The following OPCML variants were observed in gnomAD, a reference collection of about 807,000 sequenced individuals.
OPCML encodes opioid binding protein/cell adhesion molecule like.
In OPCML, 13 loss-of-function variants were observed where a neutral mutation model predicts 37.8. The observed-to-expected ratio is 0.34, with a 90% CI of 0.22 to 0.55. The LOEUF (loss-of-function observed/expected upper bound fraction) is 0.55. Ranked by LOEUF, OPCML falls within the 20% of genes least tolerant of loss-of-function variation. OPCML has a pLI of 0.91. For missense variants in OPCML, 341 were observed against 435.6 expected (o/e 0.78, Z 1.93); for synonymous variants, 176 against 168.8 (o/e 1.04, Z -0.33).
chr11:132,612,589 G>A (rs367917383), intron 3 of OPCML, among the ~76,000 whole-genome samples: 161 of 152,256 alleles, frequency 1.1e-3, no homozygotes, highest in African/African-American at 3.8e-3. Flanking sequence ...AGCAGGGCAA[G>A]GACATAAGAC....
chr11:132,607,616 T>C (rs1565706350), intron 3 of OPCML, among the ~76,000 whole-genome samples: 1 of 152,180 alleles, frequency 6.6e-6, no homozygotes, highest in Admixed American at 6.5e-5. Context: ...TGAGGACATA[T>C]CACACAGTGG....
At chr11:133,248,209 G>T (rs1421858019) in intron 1 of OPCML, among the ~76,000 whole-genome samples, 3 of 152,176 alleles carry the variant, frequency 2.0e-5, no homozygotes, top group Non-Finnish European at 4.4e-5. Flanking sequence ...AAGATGTAAA[G>T]ATTTGAGCAT....
chr11:132,751,384 G>A (rs548554503), intron 2 of OPCML, among the ~76,000 whole-genome samples: 23 of 152,280 alleles, frequency 1.5e-4, no homozygotes, highest in Admixed American at 2.6e-4. Context: ...TGCAGTGTGG[G>A]TGAGAGTCAG....
At chr11:132,651,960 A>G (rs1461299625) in intron 3 of OPCML, among the ~76,000 whole-genome samples, 1 of 152,196 alleles carries the variant, frequency 6.6e-6, no homozygotes, top group African/African-American at 2.4e-5. Flanking sequence ...GAGAATACCT[A>G]CATCCAAAAA....
intron 2 of OPCML, among the ~76,000 whole-genome samples, chr11:132,867,299 G>T (rs867979797): frequency 1.4e-4 from 22 of 152,272 alleles, no homozygotes; most frequent in Middle Eastern, 6.8e-3. Context: ...ATGACAAGAT[G>T]TTTCCTCTGT....
intron 2 of OPCML, among the ~76,000 whole-genome samples, chr11:132,908,781 A>G (rs139121156): frequency 6.6e-6 from 1 of 152,378 alleles, no homozygotes; most frequent in East Asian, 1.9e-4. Flanking sequence ...TTTCACGTTA[A>G]TAAGTGATGA....
chr11:133,520,368 T>C (rs534114788), intron 1 of OPCML, among the ~76,000 whole-genome samples: 4 of 152,030 alleles, frequency 2.6e-5, no homozygotes, highest in Non-Finnish European at 4.4e-5. Flanking sequence ...GAGTACAAGA[T>C]GGGTATATGA....
intron 2 of OPCML, among the ~76,000 whole-genome samples, chr11:132,823,318 C>T (rs1357577633): frequency 6.6e-6 from 1 of 152,140 alleles, no homozygotes; most frequent in Non-Finnish European, 1.5e-5. Flanking sequence ...TGGGGGACAA[C>T]CTCTTCTTCC....
chr11:133,361,585 C>T, intron 1 of OPCML: 1 of 162,080 alleles, frequency 6.2e-6, no homozygotes, highest in Non-Finnish European at 1.3e-5. Flanking sequence ...GCACCTGCAG[C>T]TATTCCGGGG....
At chr11:132,524,615 T>C (rs1351084730) in intron 4 of OPCML, among the ~76,000 whole-genome samples, 1 of 152,214 alleles carries the variant, frequency 6.6e-6, no homozygotes, top group East Asian at 1.9e-4. Flanking sequence ...CTTTTCGTTA[T>C]GTTCACAACA....
At chr11:132,921,890 T>C (rs1022972220) in intron 2 of OPCML, among the ~76,000 whole-genome samples, 1 of 152,084 alleles carries the variant, frequency 6.6e-6, no homozygotes, top group Admixed American at 6.5e-5. Context: ...ATTTTACCTT[T>C]TTTTTTTGAG....
intron 1 of OPCML, among the ~76,000 whole-genome samples, chr11:133,444,801 T>TG (rs1946438266): frequency 1.3e-5 from 2 of 151,978 alleles, no homozygotes; most frequent in East Asian, 3.9e-4. Flanking sequence ...GTTTTTTGGT[T>TG]TTTTTTGCAT....
At chr11:132,509,829 A>G (rs1025132660) in intron 4 of OPCML, among the ~76,000 whole-genome samples, 3 of 152,048 alleles carry the variant, frequency 2.0e-5, no homozygotes, top group Admixed American at 6.6e-5. Flanking sequence ...TGCAGAAGGG[A>G]TATGTGGGGT....
chr11:132,882,463 C>A (rs185876198), intron 2 of OPCML, among the ~76,000 whole-genome samples: 2 of 152,272 alleles, frequency 1.3e-5, no homozygotes, highest in Non-Finnish European at 1.5e-5. Flanking sequence ...TCATTTGTGT[C>A]CCATCCTCTC....
intron 1 of OPCML, among the ~76,000 whole-genome samples, chr11:133,406,059 C>G (rs1945518964): frequency 6.6e-6 from 1 of 152,286 alleles, no homozygotes; most frequent in African/African-American, 2.4e-5. Flanking sequence ...TGGGTACGGA[C>G]TGTGTCTAAT....
At chr11:133,093,068 T>A (rs1167229502) in intron 1 of OPCML, among the ~76,000 whole-genome samples, 2 of 152,090 alleles carry the variant, frequency 1.3e-5, no homozygotes, top group Non-Finnish European at 2.9e-5. Context: ...TAATAATTAT[T>A]ATTATTAATT....
At chr11:132,541,164 T>A (rs1591526622) in intron 3 of OPCML, among the ~76,000 whole-genome samples, 1 of 152,240 alleles carries the variant, frequency 6.6e-6, no homozygotes, top group South Asian at 2.1e-4. Flanking sequence ...GCCAAGCCCA[T>A]GACCTCTGTC....
chr11:132,852,219 C>A (rs545840601), intron 2 of OPCML, among the ~76,000 whole-genome samples: 1 of 152,170 alleles, frequency 6.6e-6, no homozygotes, highest in East Asian at 1.9e-4. Flanking sequence ...TTAGACCTAG[C>A]TAGGCCCACA....
intron 4 of OPCML, among the ~76,000 whole-genome samples, chr11:132,468,603 G>T (rs2096126537): frequency 6.6e-6 from 1 of 152,068 alleles, no homozygotes; most frequent in Admixed American, 6.5e-5. Flanking sequence ...GATTCTTTCA[G>T]AAAACATCCC....
Sources: gnomAD v4.1 joint callset for allele counts (sites outside exome capture counted in the v4.1 genomes callset) on GRCh38, gnomAD v4.1.1 for gene constraint, MANE v1.5 for transcripts, NCBI Gene and HGNC (gene_info 2026-07-23, HGNC 2026-07-21) for gene names.